The following PCDH15 variants were observed in gnomAD, a reference collection of about 807,000 sequenced individuals.
The protein encoded by PCDH15 is protocadherin related 15.
A neutral mutation model predicts 178.5 loss-of-function variants in PCDH15; 129 were observed. The observed-to-expected ratio is 0.72, with a 90% CI of 0.63 to 0.84. PCDH15 has a LOEUF of 0.84. Ranked by LOEUF, PCDH15 falls within the 40% of genes least tolerant of loss-of-function variation. The pLI is 0.00. For synonymous variants in PCDH15, 800 were observed against 732.0 expected, an observed-to-expected ratio of 1.09 and a Z score of -1.50; for missense variants, 2,230 against 2,099.9, an observed-to-expected ratio of 1.06 and a Z score of -1.21.
intron 2 of PCDH15, among the ~76,000 whole-genome samples, chr10:55,087,941 T>C (rs1184750772): frequency 6.6e-6 from 1 of 152,160 alleles, no homozygotes; most frequent in Non-Finnish European, 1.5e-5. Flanking sequence ...TTACTAATAT[T>C]CACTATTAAA....
At chr10:55,431,652 T>C (rs1424990159) in intron 2 of PCDH15, among the ~76,000 whole-genome samples, 1 of 152,224 alleles carries the variant, frequency 6.6e-6, no homozygotes, top group East Asian at 1.9e-4. Flanking sequence ...ACAAATTTTC[T>C]TGTTATTGCA....
intron 6 of PCDH15, among the ~76,000 whole-genome samples, chr10:54,336,128 T>C (rs113853299): frequency 6.6e-6 from 1 of 152,274 alleles, no homozygotes; most frequent in East Asian, 1.9e-4. Flanking sequence ...TTTGGTGACA[T>C]AAGTTTCTAA....
At chr10:53,968,995 T>C (rs775927575) in intron 21 of PCDH15, among the ~76,000 whole-genome samples, 3 of 152,126 alleles carry the variant, frequency 2.0e-5, no homozygotes, top group Non-Finnish European at 4.4e-5. Context: ...CAAAGCTGGA[T>C]GGAGAATGAC....
At chr10:53,911,426 A>G (rs946854737) in intron 25 of PCDH15, among the ~76,000 whole-genome samples, 2 of 152,224 alleles carry the variant, frequency 1.3e-5, no homozygotes, top group African/African-American at 4.8e-5. Flanking sequence ...ACAAAGACAC[A>G]ACATACCAGA....
chr10:53,992,753 T>C (rs2091610085), intron 21 of PCDH15, among the ~76,000 whole-genome samples: 1 of 152,218 alleles, frequency 6.6e-6, no homozygotes, highest in African/African-American at 2.4e-5. Context: ...AGTCATTCAC[T>C]ATTCATGTCT....
chr10:55,292,095 C>A (rs1202993965), intron 1 of PCDH15, among the ~76,000 whole-genome samples: 1 of 152,116 alleles, frequency 6.6e-6, no homozygotes, highest in African/African-American at 2.4e-5. Flanking sequence ...ATTTCAAAAC[C>A]AATCATGCCT....
At chr10:54,455,117 T>G (rs2076735010) in intron 3 of PCDH15, among the ~76,000 whole-genome samples, 3 of 152,112 alleles carry the variant, frequency 2.0e-5, no homozygotes, top group Admixed American at 2.0e-4. Context: ...CCTTCCAATA[T>G]GATTGTATGT....
intron 1 of PCDH15, among the ~76,000 whole-genome samples, chr10:55,272,768 A>T (rs1358861083): frequency 6.6e-6 from 1 of 152,096 alleles, no homozygotes; most frequent in African/African-American, 2.4e-5. Flanking sequence ...ACATTAAAGA[A>T]AAAGGAAGTT....
intron 1 of PCDH15, among the ~76,000 whole-genome samples, chr10:55,226,582 A>T (rs940934953): frequency 6.6e-6 from 1 of 151,772 alleles, no homozygotes. Flanking sequence ...GGGTTTCATC[A>T]TGTTGGCCAG....
intron 17 of PCDH15, among the ~76,000 whole-genome samples, chr10:54,068,578 A>C (rs2094181105): frequency 6.6e-6 from 1 of 152,286 alleles, no homozygotes; most frequent in Non-Finnish European, 1.5e-5. Flanking sequence ...AATTTCATGA[A>C]CCTAAGTTTC....
intron 11 of PCDH15, among the ~76,000 whole-genome samples, chr10:54,194,610 A>ATGTGTGTGTGTGTGTG (rs33956261): frequency 2.0e-5 from 3 of 150,714 alleles, no homozygotes; most frequent in African/African-American, 2.4e-5. Context: ...TTTTATATAT[A>ATGTGTGTGTGTGTGTG]TGTGTGTGTG....
rs189771227 is a variant in PCDH15, at chr10:55,287,901, C to T, written c.-156+31698G>A. 1.8e-4 allele frequency among the ~76,000 whole-genome samples: 28 copies of T among 151,876 alleles called. No individual in the cohort carries two copies. In the East Asian group the frequency reaches 3.5e-3, roughly 19 times the overall value. The stretch of plus-strand genomic sequence containing the variant: ...CAAATTATTATTAATCTTTAAACAA[C>T]CTTCAAGTCTAGCATCATGTTTAGG... On this transcript the variant is annotated intron_variant, in intron 1 of 5. Transcript: ENST00000458638.
At chr10:55,163,713 A>C (rs1839120746) in intron 2 of PCDH15, among the ~76,000 whole-genome samples, 1 of 152,152 alleles carries the variant, frequency 6.6e-6, no homozygotes, top group East Asian at 1.9e-4. Flanking sequence ...ATAATGCATT[A>C]GCATGCTAAA....
intron 1 of PCDH15, among the ~76,000 whole-genome samples, chr10:54,740,703 A>G (rs1373804080): frequency 6.6e-6 from 1 of 151,962 alleles, no homozygotes; most frequent in Non-Finnish European, 1.5e-5. Flanking sequence ...AAAGAATGCT[A>G]CTCTGTCATT....
At chr10:54,398,310 T>C (rs1364932241) in intron 3 of PCDH15, among the ~76,000 whole-genome samples, 2 of 151,968 alleles carry the variant, frequency 1.3e-5, no homozygotes, top group Non-Finnish European at 1.5e-5. Flanking sequence ...CCTAATGATG[T>C]TGTTATGTTA....
intron 8 of PCDH15, among the ~76,000 whole-genome samples, chr10:54,315,016 A>C (rs1011152030): frequency 6.6e-6 from 1 of 152,114 alleles, no homozygotes; most frequent in East Asian, 1.9e-4. Context: ...ATGTGTCTTT[A>C]TGGCAGAATG....
chr10:54,547,421 A>G (rs1343050719), intron 2 of PCDH15, among the ~76,000 whole-genome samples: 2 of 152,138 alleles, frequency 1.3e-5, no homozygotes, highest in Non-Finnish European at 2.9e-5. Flanking sequence ...AATAAAATGA[A>G]TATTTATGTC....
intron 3 of PCDH15, among the ~76,000 whole-genome samples, chr10:54,879,801 A>G (rs1954227111): frequency 6.6e-6 from 1 of 151,912 alleles, no homozygotes; most frequent in Non-Finnish European, 1.5e-5. Flanking sequence ...AACAAATATT[A>G]ACATATTGAT....
intron 1 of PCDH15, among the ~76,000 whole-genome samples, chr10:54,676,780 T>A (rs776935988): frequency 2.6e-4 from 40 of 152,172 alleles, no homozygotes; most frequent in African/African-American, 8.9e-4. Context: ...TATAAAAACA[T>A]CATTAATAAG....
Sources: allele counts gnomAD v4.1 joint callset (sites outside exome capture counted in the v4.1 genomes callset), GRCh38; gene constraint gnomAD v4.1.1; transcripts MANE v1.5; gene names NCBI Gene and HGNC (gene_info 2026-07-23, HGNC 2026-07-21).